Variants in CTNNA1 observed in about 807,000 individuals in gnomAD.
CTNNA1 encodes catenin alpha-1.
Under a neutral mutation model 98.4 loss-of-function variants are expected in CTNNA1, and 37 were observed. That is an observed-to-expected ratio of 0.38 (90% confidence interval 0.29 to 0.49). CTNNA1 has a LOEUF of 0.49. Among genes scored for constraint, CTNNA1 ranks in the 20% least tolerant of loss-of-function variants. CTNNA1 has a pLI of 0.95. For synonymous variants in CTNNA1, 404 were observed against 413.2 expected (o/e 0.98, Z 0.27); for missense variants, 761 against 1,147.2 (o/e 0.66, Z 4.86).
chr5:138,757,523 A>G (rs1351141337), intron 1 of CTNNA1, among the ~76,000 whole-genome samples: 3 of 152,186 alleles, frequency 2.0e-5, no homozygotes, highest in Non-Finnish European at 4.4e-5. Context: ...TTGCTTCCTC[A>G]GTGATTCCCT....
intron 9 of CTNNA1, chr5:138,891,315 G>A (rs2150054942): frequency 1.3e-5 from 2 of 152,136 alleles, no homozygotes; most frequent in African/African-American, 4.8e-5. Context: ...CTTCAGCAGT[G>A]GGAAACTCTC....
Position 138,930,872 on chromosome 5 carries a change from T to G in CTNNA1, c.2235T>G (p.Ala745=). Residue 745 remains alanine, a synonymous_variant, in exon 16 of 18, where the codon GCT becomes GCG. Coordinates refer to ENST00000302763, the MANE Select transcript of CTNNA1 (RefSeq NM_001903.5). The part of the protein sequence containing the change: ...PLKNTSDVIS[A]AKKIAEAGSR... ...AAAATACATCGGATGTCATCAGTGC[T>G]GCCAAGAAAATTGCTGAGGCAGGAT... The G allele has an allele frequency of 6.2e-7, 1 of 1,613,988 alleles. No homozygotes were observed. Among genetic ancestry groups the G allele is most frequent in the Non-Finnish European group, 8.5e-7 (1 of 1,179,842 alleles).
chr5:138,843,155 G>A (rs992211518), intron 7 of CTNNA1, among the ~76,000 whole-genome samples: 1 of 152,192 alleles, frequency 6.6e-6, no homozygotes, highest in Non-Finnish European at 1.5e-5. Flanking sequence ...AGAGTGAGAT[G>A]TATGATTTGT....
intron 7 of CTNNA1, among the ~76,000 whole-genome samples, chr5:138,857,317 T>C (rs191328768): frequency 3.3e-5 from 5 of 152,308 alleles, no homozygotes; most frequent in South Asian, 4.1e-4. Flanking sequence ...CAGAGGCTTC[T>C]TGTTATTTGG....
chr5:138,799,002 A>T (rs201552928), intron 3 of CTNNA1, among the ~76,000 whole-genome samples: 342 of 151,802 alleles, frequency 2.3e-3, no homozygotes, highest in East Asian at 8.9e-3. Flanking sequence ...ATTAAAAAAA[A>T]TTTTTTTTGA....
chr5:138,890,440 T>G (rs1755095607), intron 9 of CTNNA1, among the ~76,000 whole-genome samples: 1 of 152,218 alleles, frequency 6.6e-6, no homozygotes, highest in South Asian at 2.1e-4. Context: ...GAGGGGTTCC[T>G]ATGACCCACC....
chr5:138,931,606 ATGTATCT>A (rs1418680405), intron 16 of CTNNA1: 28 of 985,312 alleles, frequency 2.8e-5, no homozygotes, highest in African/African-American at 3.5e-5. Flanking sequence ...CATTGGCCAA[ATGTATCT>A]TGACACAAAC....
intron 7 of CTNNA1, among the ~76,000 whole-genome samples, chr5:138,842,256 C>T (rs1317966372): frequency 1.3e-5 from 2 of 152,094 alleles, no homozygotes; most frequent in South Asian, 2.1e-4. Context: ...GCCATGATGG[C>T]ACCACTGCAC....
chr5:138,920,948 C>T (rs1175923290), intron 11 of CTNNA1, among the ~76,000 whole-genome samples: 3 of 152,170 alleles, frequency 2.0e-5, no homozygotes, highest in Non-Finnish European at 4.4e-5. Context: ...TTTTATGAGG[C>T]TGTAGGGCGG....
At chr5:138,930,782 G>C (rs1360959696) in intron 15 of CTNNA1, 48 bp from the exon 16 acceptor site, 2 of 1,528,768 alleles carry the variant, frequency 1.3e-6, no homozygotes, top group Non-Finnish European at 1.8e-6. Flanking sequence ...TACTCCAACT[G>C]TGAGGGGCTT....
At chr5:138,865,318 T>C (rs142977775) in intron 7 of CTNNA1, among the ~76,000 whole-genome samples, 134 of 152,220 alleles carry the variant, frequency 8.8e-4, no homozygotes, top group African/African-American at 3.2e-3. Context: ...CACGGCAAAG[T>C]TTAGGTCATC....
At chr5:138,814,103 A>G (rs942298429) in intron 5 of CTNNA1, among the ~76,000 whole-genome samples, 3 of 152,246 alleles carry the variant, frequency 2.0e-5, no homozygotes, top group Non-Finnish European at 2.9e-5. Context: ...CAGTTGGTGA[A>G]TAATAGTTTA....
intron 7 of CTNNA1, among the ~76,000 whole-genome samples, chr5:138,842,748 T>G (rs1348289013): frequency 6.6e-6 from 1 of 152,148 alleles, no homozygotes; most frequent in African/African-American, 2.4e-5. Flanking sequence ...TTTGTTTGAG[T>G]TTTCTTTTTC....
At chr5:138,885,382 T>A (rs537102614) in intron 7 of CTNNA1, among the ~76,000 whole-genome samples, 5 of 152,342 alleles carry the variant, frequency 3.3e-5, no homozygotes, top group African/African-American at 1.2e-4. Context: ...AACAAGCTTT[T>A]AATATACTTT....
chr5:138,909,556 C>T (rs1249329661), intron 10 of CTNNA1, among the ~76,000 whole-genome samples: 3 of 152,040 alleles, frequency 2.0e-5, no homozygotes, highest in Non-Finnish European at 4.4e-5. Flanking sequence ...CCAGGCTGGT[C>T]TCAAACTCCT....
intron 10 of CTNNA1, among the ~76,000 whole-genome samples, chr5:138,905,536 G>A (rs1759057157): frequency 6.6e-6 from 1 of 152,204 alleles, no homozygotes; most frequent in Non-Finnish European, 1.5e-5. Context: ...TCATAAAGCA[G>A]CCTTATGATA....
chr5:138,872,785 C>A, intron 7 of CTNNA1: 1 of 425,788 alleles, frequency 2.3e-6, no homozygotes, highest in Non-Finnish European at 4.1e-6. Context: ...GCATTTTAGA[C>A]TTTCCAACAG....
intron 9 of CTNNA1, among the ~76,000 whole-genome samples, chr5:138,900,582 G>A (rs1757818043): frequency 6.6e-6 from 1 of 152,164 alleles, no homozygotes; most frequent in African/African-American, 2.4e-5. Flanking sequence ...TACAGAAGGA[G>A]CAGGATTGAA....
rs924106933 is a variant in CTNNA1 at position 138,889,237 on chromosome 5, C to T, written c.1296+1595C>T. Reference sequence around the variant, plus strand: ...CAGTGTGGTGAAGGGCTGAGTGTGGCAGCTGAAGAGAGGGCAGTCCTTGTC... The same window carrying T: ...CAGTGTGGTGAAGGGCTGAGTGTGGTAGCTGAAGAGAGGGCAGTCCTTGTC... On this transcript the variant is annotated intron_variant, in intron 9 of 17. Coordinates refer to ENST00000302763, the MANE Select transcript of CTNNA1 (RefSeq NM_001903.5). 2.6e-5 allele frequency among the ~76,000 whole-genome samples: 4 copies of T among 152,284 alleles called. No homozygotes were observed. The East Asian group carries it at 7.7e-4, about 29-fold the overall frequency.
Sources: allele counts gnomAD v4.1 joint callset (sites outside exome capture counted in the v4.1 genomes callset), GRCh38; gene constraint gnomAD v4.1.1; transcripts MANE v1.5; gene names NCBI Gene and HGNC (gene_info 2026-07-23, HGNC 2026-07-21).